The following ILDR1 variants were observed in gnomAD, a reference collection of about 807,000 sequenced individuals.
The protein encoded by ILDR1 is immunoglobulin-like domain-containing receptor 1.
ILDR1 carries 56 observed loss-of-function variants against 62.4 expected under a neutral mutation model. The ratio of observed to expected loss-of-function variants is 0.90; its 90% confidence interval spans 0.72 to 1.12. ILDR1 has a LOEUF of 1.12. Among genes scored for constraint, ILDR1 ranks in the 50% most tolerant of loss-of-function variants. The pLI is 0.00. For synonymous variants in ILDR1, 284 were observed against 277.8 expected, an observed-to-expected ratio of 1.02 and a Z score of -0.22; for missense variants, 736 against 710.6, an observed-to-expected ratio of 1.04 and a Z score of -0.41.
intron 5 of ILDR1, among the ~76,000 whole-genome samples, chr3:121,999,626 C>T (rs1036289575): frequency 6.6e-6 from 1 of 152,172 alleles, no homozygotes; most frequent in Non-Finnish European, 1.5e-5. Flanking sequence ...CTACCAGCAG[C>T]AGCACATCAC....
chr3:122,011,498 T>C (rs2071700551), intron 1 of ILDR1, among the ~76,000 whole-genome samples: 1 of 151,970 alleles, frequency 6.6e-6, no homozygotes, highest in Admixed American at 6.6e-5. Flanking sequence ...TCTTCTCTTC[T>C]ATTTCATCCC....
chr3:122,014,833 T>C (rs1243404691), intron 1 of ILDR1, among the ~76,000 whole-genome samples: 3 of 152,214 alleles, frequency 2.0e-5, no homozygotes, highest in Non-Finnish European at 4.4e-5. Flanking sequence ...TAACATCCTT[T>C]TGGTTACCGG....
At chr3:122,036,006 A>G in the ILDR1 span, among the ~76,000 whole-genome samples, 19 of 152,354 alleles carry the variant, frequency 1.2e-4, no homozygotes, top group African/African-American at 3.6e-4. Flanking sequence ...AAATGCTGAT[A>G]GTGACATGAA....
chr3:122,052,193 G>A, the ILDR1 span, among the ~76,000 whole-genome samples: 1 of 152,144 alleles, frequency 6.6e-6, no homozygotes, highest in Non-Finnish European at 1.5e-5. Flanking sequence ...CTGTGCCACA[G>A]GTCCTCTGAA....
At chr3:122,011,071 A>G (rs1196441505) in intron 1 of ILDR1, among the ~76,000 whole-genome samples, 5 of 152,184 alleles carry the variant, frequency 3.3e-5, no homozygotes, top group East Asian at 1.9e-4. Flanking sequence ...TTTGCAAATA[A>G]TTTGAGCTGG....
At chr3:122,055,465 T>G in the ILDR1 span, 2 of 1,612,806 alleles carry the variant, frequency 1.2e-6, no homozygotes, top group South Asian at 1.1e-5. Context: ...TTTCCAGATA[T>G]TAGGTCACAG....
rs1211238928 is a variant in ILDR1, at chr3:122,017,152, G to T, written c.58+4868C>A. On this transcript the variant is annotated intron_variant, in intron 1 of 7. Coordinates refer to ENST00000344209, the MANE Select transcript of ILDR1 (RefSeq NM_001199799.2). ...AACCTCCGCCCCACCGGGTTCAATT[G>T]ATTCTCCTGCCTCAGCCTCCCGAGT... 2.6e-5 allele frequency among the ~76,000 whole-genome samples: 4 copies of T among 152,120 alleles called. No individual in the cohort carries two copies. In the East Asian group the frequency reaches 5.8e-4, roughly 22 times the overall value.
At chr3:121,991,961 C>A (rs527972794) in intron 7 of ILDR1, among the ~76,000 whole-genome samples, 3 of 152,286 alleles carry the variant, frequency 2.0e-5, no homozygotes, top group African/African-American at 7.2e-5. Flanking sequence ...ACTGCATATA[C>A]CTTTGACTAT....
the ILDR1 span, among the ~76,000 whole-genome samples, chr3:122,048,175 A>C: frequency 6.6e-6 from 1 of 152,146 alleles, no homozygotes; most frequent in Non-Finnish European, 1.5e-5. Context: ...AAGAGTGTTA[A>C]ATTTTACCAA....
At chr3:122,010,627 G>C (rs1402131481) in intron 1 of ILDR1, among the ~76,000 whole-genome samples, 1 of 151,966 alleles carries the variant, frequency 6.6e-6, no homozygotes, top group Non-Finnish European at 1.5e-5. Flanking sequence ...TTGTTTGTTT[G>C]TTTCTTTTCT....
At chr3:122,005,117 G>T in intron 3 of ILDR1, 127 bp downstream of exon 3, 1 of 712,016 alleles carries the variant, frequency 1.4e-6, no homozygotes, top group Non-Finnish European at 2.4e-6. Context: ...CTCAAACAAT[G>T]ACAGTGACCA....
the ILDR1 span, chr3:122,055,465 T>C: frequency 6.2e-7 from 1 of 1,612,806 alleles, no homozygotes; most frequent in Non-Finnish European, 8.5e-7. Flanking sequence ...TTTCCAGATA[T>C]TAGGTCACAG....
chr3:122,034,294 A>G, the ILDR1 span, among the ~76,000 whole-genome samples: 1 of 152,214 alleles, frequency 6.6e-6, no homozygotes, highest in Non-Finnish European at 1.5e-5. Flanking sequence ...TAAAAGTTAT[A>G]GATATTAGTT....
intron 7 of ILDR1, among the ~76,000 whole-genome samples, chr3:121,991,776 T>C (rs1190563459): frequency 6.6e-6 from 1 of 152,236 alleles, no homozygotes; most frequent in Non-Finnish European, 1.5e-5. Flanking sequence ...AGAGCAGCAG[T>C]GTGGCTCTCC....
Position 121,993,316 on chromosome 3 carries a change from G to A in ILDR1, c.1433C>T (p.Ser478Phe), listed in dbSNP as rs727503096. 6.8e-6 allele frequency: 11 copies of A among 1,612,096 alleles called. No homozygotes were observed. Among genetic ancestry groups the A allele is most frequent in the Middle Eastern group, 1.6e-4 (1 of 6,076 alleles). Residue 478 changes from serine (S) to phenylalanine (F), a missense_variant, in exon 7 of 8, where the codon TCC becomes TTC. Physicochemically the swap from Ser to Phe is radical, Grantham distance 155 (BLOSUM62 -2). Transcript: ENST00000344209. ...YSPPLPSGLS[S>F]WSSEEDKERQ... ...CTCCTTGTCCTCTTCAGAGCTCCAG[G>A]AACTGAGGCCGGAGGGCAAGGGAGG...
Position 121,994,292 on chromosome 3 carries a change from A to G in ILDR1, c.668T>C (p.Met223Thr), listed in dbSNP as rs1031157645. The change falls in exon 6 of 8, where the codon ATG (methionine) becomes ACG (threonine). Residue 223 changes from methionine to threonine, a missense_variant. Coordinates refer to ENST00000344209, the MANE Select transcript of ILDR1 (RefSeq NM_001199799.2). The stretch of plus-strand genomic sequence containing the variant: ...AGGACCTAGGGCCTGGGCCTGCTTC[A>G]TGTAGCGGTGGCGGGCCAGGGCTGC... ...PEEALARHRY[M>T]KQAQALGPQM... 3 of 1,535,472 alleles carry G rather than the reference A, an allele frequency of 2.0e-6. No homozygotes were observed. In the Admixed American group the frequency reaches 5.9e-5, roughly 30 times the overall value.
chr3:122,041,620 A>G, the ILDR1 span, among the ~76,000 whole-genome samples: 5 of 151,986 alleles, frequency 3.3e-5, no homozygotes, highest in African/African-American at 7.3e-5. Context: ...TAGGTCTTTT[A>G]CCTTTTTGTT....
the ILDR1 span, among the ~76,000 whole-genome samples, chr3:122,039,645 T>C: frequency 1.3e-5 from 2 of 151,804 alleles, no homozygotes; most frequent in Non-Finnish European, 2.9e-5. Flanking sequence ...AGAAAAAAAG[T>C]TTTTCAGGCA....
chr3:122,037,997 G>A, the ILDR1 span, among the ~76,000 whole-genome samples: 2 of 151,940 alleles, frequency 1.3e-5, no homozygotes, highest in Admixed American at 6.5e-5. Context: ...GGTAGGATGT[G>A]CTTGCTCCTC....
Sources: allele counts gnomAD v4.1 joint callset (sites outside exome capture counted in the v4.1 genomes callset), GRCh38; gene constraint gnomAD v4.1.1; transcripts MANE v1.5; gene names NCBI Gene and HGNC (gene_info 2026-07-23, HGNC 2026-07-21).